MYT1L: variants seen among roughly 807,000 people sequenced by gnomAD.
MYT1L encodes myelin transcription factor 1-like protein.
A neutral mutation model predicts 126.7 loss-of-function variants in MYT1L; 12 were observed. The observed-to-expected ratio is 0.09, with a 90% CI of 0.06 to 0.15. The LOEUF (loss-of-function observed/expected upper bound fraction) is 0.15. MYT1L is among the 10% of genes least tolerant of loss of function. The probability of loss-of-function intolerance (pLI) is 1.00; values close to 1 mark genes in which losing one functional copy is unlikely to be tolerated. For missense variants in MYT1L, 979 were observed against 1,585.2 expected, an observed-to-expected ratio of 0.62 and a Z score of 6.49; for synonymous variants, 541 against 604.2, an observed-to-expected ratio of 0.90 and a Z score of 1.53.
At chr2:1,995,597 A>G (rs1246338646) in intron 5 of MYT1L, among the ~76,000 whole-genome samples, 1 of 152,160 alleles carries the variant, frequency 6.6e-6, no homozygotes. Flanking sequence ...GACTGAAGGA[A>G]GTGAGTGGGT....
At chr2:2,213,282 A>G (rs1022647024) in intron 2 of MYT1L, among the ~76,000 whole-genome samples, 4 of 152,184 alleles carry the variant, frequency 2.6e-5, no homozygotes, top group Non-Finnish European at 5.9e-5. Context: ...CCAGGAGGGG[A>G]AACCCAGGGA....
intron 1 of MYT1L, among the ~76,000 whole-genome samples, chr2:2,300,237 C>A (rs2095762446): frequency 6.6e-6 from 1 of 152,296 alleles, no homozygotes. Context: ...TAATTGGATA[C>A]ATGTGAGTAG....
chr2:2,005,634 T>C (rs565594807), intron 4 of MYT1L, among the ~76,000 whole-genome samples: 148 of 151,738 alleles, frequency 9.8e-4, no homozygotes, highest in Non-Finnish European at 1.7e-3. Context: ...ATGTGTTTTT[T>C]CCTGCAGGCG....
chr2:2,165,307 C>A (rs947305802), intron 3 of MYT1L, among the ~76,000 whole-genome samples: 1 of 149,210 alleles, frequency 6.7e-6, no homozygotes, highest in African/African-American at 2.6e-5. Context: ...CACACACACA[C>A]GTGCACACAT....
At chr2:2,154,069 T>C (rs944870983) in intron 3 of MYT1L, among the ~76,000 whole-genome samples, 2 of 152,126 alleles carry the variant, frequency 1.3e-5, no homozygotes, top group Admixed American at 6.5e-5. Context: ...CCACTGTAAA[T>C]GTTTTGTCCT....
At chr2:2,111,322 C>T (rs2079426684) in intron 3 of MYT1L, among the ~76,000 whole-genome samples, 2 of 152,172 alleles carry the variant, frequency 1.3e-5, no homozygotes, top group African/African-American at 4.8e-5. Context: ...TGTAACAGAG[C>T]ACAAGTCCTA....
In MYT1L at chr2:2,228,007, A is replaced by T. The variant is rs1045797662; in HGVS notation, c.-420-55019T>A. The stretch of plus-strand genomic sequence containing the variant: ...CCATCTTGCAGTTGAGAAAATAGAT[A>T]CTCACAGACATTAACTAAATTGCCC... On this transcript the variant is annotated intron_variant, in intron 2 of 24. Coordinates refer to ENST00000647738, the MANE Select transcript of MYT1L (RefSeq NM_001303052.2). This position sits in a 1 kb window ranked among gnomAD's most constrained non-coding sequence, Gnocchi z 5.9. Among the ~76,000 whole-genome samples, 2 of 152,238 alleles carry T rather than the reference A, an allele frequency of 1.3e-5. No individual in the cohort carries two copies. Among genetic ancestry groups the T allele is most frequent in the African/African-American group, 4.8e-5 (2 of 41,458 alleles).
At chr2:2,182,233 C>G (rs1242415744) in intron 2 of MYT1L, among the ~76,000 whole-genome samples, 2 of 152,160 alleles carry the variant, frequency 1.3e-5, no homozygotes, top group Non-Finnish European at 2.9e-5. Context: ...TCTGCAGGAT[C>G]TGATTTCAGT....
chr2:1,837,543 G>C (rs897577417), intron 21 of MYT1L, among the ~76,000 whole-genome samples: 1 of 152,164 alleles, frequency 6.6e-6, no homozygotes. Flanking sequence ...AGATCTGCTT[G>C]CACAAGGACA....
At chr2:1,945,364 CTGGGA>C (rs1406321954) in intron 8 of MYT1L, among the ~76,000 whole-genome samples, 4 of 152,056 alleles carry the variant, frequency 2.6e-5, no homozygotes, top group Non-Finnish European at 5.9e-5. Context: ...CAGGTGGGGA[CTGGGA>C]TGAGAAAGTG....
intron 14 of MYT1L, among the ~76,000 whole-genome samples, chr2:1,893,093 C>T (rs1306978153): frequency 6.6e-6 from 1 of 152,206 alleles, no homozygotes; most frequent in African/African-American, 2.4e-5. Context: ...CCCTCACTGA[C>T]ACGATTCCCA....
chr2:2,126,765 C>T (rs915054618), intron 3 of MYT1L, among the ~76,000 whole-genome samples: 5 of 152,212 alleles, frequency 3.3e-5, no homozygotes, highest in Admixed American at 6.5e-5. Context: ...AGGCTCCATC[C>T]GCACATTTTA....
Position 1,979,500 on chromosome 2 carries a change from T to G in MYT1L, c.89+21A>C, listed in dbSNP as rs2060440457. 1 of 1,611,062 alleles carries G rather than the reference T, an allele frequency of 6.2e-7. No homozygotes were observed. Reference sequence around the variant, plus strand: ...TTTCCAAACTGTTAATGGGGATGCATTTTACCCACATGGCACTAACCTGAA... The same window carrying G: ...TTTCCAAACTGTTAATGGGGATGCAGTTTACCCACATGGCACTAACCTGAA... On this transcript the variant is annotated intron_variant, in intron 7 of 24. Transcript: ENST00000647738. The surrounding 1 kb of genome is among the most constrained non-coding windows in gnomAD (Gnocchi z 4.0).
Position 1,839,384 on chromosome 2 carries a change from G to T in MYT1L, c.2859-14C>A. 6.2e-7 allele frequency: 1 copy of T among 1,607,870 alleles called. No homozygotes were observed. On this transcript the variant is annotated splice_polypyrimidine_tract_variant and intron_variant, in intron 20 of 24. Coordinates refer to ENST00000647738, the MANE Select transcript of MYT1L (RefSeq NM_001303052.2). The stretch of plus-strand genomic sequence containing the variant: ...GGGACCGGACACCTGTAGGCAGGCA[G>T]AGGTGACACACTTTATTGTCTGGCC...
chr2:2,236,601 A>G (rs1351542327), intron 2 of MYT1L, among the ~76,000 whole-genome samples: 3 of 119,622 alleles, frequency 2.5e-5, no homozygotes, highest in Non-Finnish European at 5.2e-5. Flanking sequence ...TCCCAACCCA[A>G]CCCAGCACAT....
chr2:1,986,371 G>A (rs897055475), intron 5 of MYT1L, among the ~76,000 whole-genome samples: 1 of 152,118 alleles, frequency 6.6e-6, no homozygotes, highest in Non-Finnish European at 1.5e-5. Context: ...AGTCAGCAAG[G>A]AGCCTTTCAG....
In MYT1L at chr2:2,284,699, C is replaced by G. The variant is rs577360086; in HGVS notation, c.-520-196G>C. Among the ~76,000 whole-genome samples the G allele has an allele frequency of 1.1e-3, 161 of 152,152 alleles. 1 individual carries two copies. The highest frequency in any genetic ancestry group is 4.6e-3 in the South Asian group (22 of 4,816). ...GTTAGACACTCCTACTGTGTCTCCT[C>G]AAAATTGTAATTTTTTGTTTTTTTT... On this transcript the variant is annotated intron_variant, in intron 1 of 24. Transcript: ENST00000647738.
chr2:1,875,429 A>T (rs1006567279), intron 18 of MYT1L, among the ~76,000 whole-genome samples: 1 of 152,178 alleles, frequency 6.6e-6, no homozygotes, highest in African/African-American at 2.4e-5. Context: ...ATACATTTTA[A>T]ATGGTTGCTT....
At chr2:2,319,062 C>G (rs923955183) in intron 1 of MYT1L, among the ~76,000 whole-genome samples, 1 of 152,204 alleles carries the variant, frequency 6.6e-6, no homozygotes, top group Non-Finnish European at 1.5e-5. Context: ...GAATTCTCCT[C>G]TCCTCCTTGT....
Sources: allele counts gnomAD v4.1 joint callset (sites outside exome capture counted in the v4.1 genomes callset), GRCh38; gene constraint gnomAD v4.1.1; non-coding constraint Gnocchi (gnomAD v3.1); transcripts MANE v1.5; gene names NCBI Gene and HGNC (gene_info 2026-07-23, HGNC 2026-07-21).